Variants in FLNB observed in about 807,000 individuals in gnomAD.
FLNB encodes filamin-B.
In FLNB, 111 loss-of-function variants were observed where a neutral mutation model predicts 250.6. The observed-to-expected ratio is 0.44, with a 90% CI of 0.38 to 0.52. The LOEUF (loss-of-function observed/expected upper bound fraction) is 0.52, where lower values mean the gene tolerates loss of function less well. Ranked by LOEUF, FLNB falls within the 20% of genes least tolerant of loss-of-function variation. The probability of loss-of-function intolerance (pLI) is 0.00; values close to 1 mark genes in which losing one functional copy is unlikely to be tolerated. For synonymous variants in FLNB, 1,302 were observed against 1,372.1 expected, an observed-to-expected ratio of 0.95 and a Z score of 1.13; for missense variants, 2,869 against 3,447.8, an observed-to-expected ratio of 0.83 and a Z score of 4.20.
chr3:58,014,261 C>T (rs370981093), intron 1 of FLNB, among the ~76,000 whole-genome samples: 95 of 152,318 alleles, frequency 6.2e-4, no homozygotes, highest in African/African-American at 2.2e-3. Context: ...TGCTAAAATA[C>T]GGCTATGGAC....
intron 1 of FLNB, among the ~76,000 whole-genome samples, chr3:58,015,166 C>T (rs2097104158): frequency 6.6e-6 from 1 of 152,214 alleles, no homozygotes; most frequent in Non-Finnish European, 1.5e-5. Flanking sequence ...AACTCTAGTC[C>T]ACTGCTTTAA....
intron 1 of FLNB, among the ~76,000 whole-genome samples, chr3:58,012,088 G>A (rs1395503964): frequency 6.6e-6 from 1 of 151,894 alleles, no homozygotes; most frequent in African/African-American, 2.4e-5. Flanking sequence ...GTGCACACCT[G>A]TAGTCCCAGC....
At chr3:58,144,852 T>G (rs572422461) in intron 32 of FLNB, among the ~76,000 whole-genome samples, 25 of 152,370 alleles carry the variant, frequency 1.6e-4, no homozygotes, top group African/African-American at 5.8e-4. Flanking sequence ...ATTTCTCTTG[T>G]GAATGAGACC....
intron 1 of FLNB, among the ~76,000 whole-genome samples, chr3:58,071,506 T>C (rs751386724): frequency 1.3e-5 from 2 of 152,046 alleles, no homozygotes; most frequent in Admixed American, 6.5e-5. Context: ...CTCGAACTCC[T>C]GACCCCAAGT....
Position 58,125,762 on chromosome 3 carries a change from T to G in FLNB, c.4061+19T>G. 6.2e-7 allele frequency: 1 copy of G among 1,613,302 alleles called. No homozygotes were observed. ...TTACCAGGTAGGCAAGGCCCTACAT[T>G]TGGTGTCTTGAGTCTCACTTTTGTG... On this transcript the variant is annotated intron_variant, in intron 23 of 45. Coordinates refer to ENST00000295956, the MANE Select transcript of FLNB (RefSeq NM_001457.4).
At position 58,138,381 on chromosome 3, in the gene FLNB, C is replaced by A; in HGVS notation, c.4961C>A (p.Thr1654Asn). 1 of 1,614,210 alleles carries A rather than the reference C, an allele frequency of 6.2e-7. No individual in the cohort carries two copies. The highest frequency in any genetic ancestry group is 8.5e-7 in the Non-Finnish European group (1 of 1,180,038). ...GKGKVTCTVL[T>N]PDGTEAEADV... is the part of the protein sequence containing the mutation. ...GGTAAAGTGACCTGCACGGTTCTGA[C>A]CCCAGATGGCACTGAGGCCGAGGCC... The change falls in exon 29 of 46, where the codon ACC becomes AAC. Residue 1654 changes from threonine (T) to asparagine (N), a missense_variant. Thr to Asn is a moderately conservative substitution (Grantham distance 65, BLOSUM62 0). Transcript: ENST00000295956.
At chr3:58,155,020 A>G in intron 40 of FLNB, 92 bp downstream of exon 40, 8 of 1,343,770 alleles carry the variant, frequency 6.0e-6, no homozygotes, top group Admixed American at 5.1e-5. Flanking sequence ...GCTGAAGTCA[A>G]TGAGGAATCT....
intron 1 of FLNB, among the ~76,000 whole-genome samples, chr3:58,037,016 T>C (rs566729576): frequency 1.3e-5 from 2 of 151,940 alleles, no homozygotes; most frequent in East Asian, 3.9e-4. Flanking sequence ...GGTCAGTTGA[T>C]ATGATGTTCT....
intron 1 of FLNB, among the ~76,000 whole-genome samples, chr3:58,033,185 TCA>T (rs2097133322): frequency 6.6e-6 from 1 of 152,168 alleles, no homozygotes; most frequent in Non-Finnish European, 1.5e-5. Context: ...ACATGTACAC[TCA>T]CACATCAGGA....
chr3:58,098,176 A>G (rs560343528), intron 7 of FLNB, among the ~76,000 whole-genome samples, 199 bp downstream of exon 7: 49 of 152,382 alleles, frequency 3.2e-4, no homozygotes, highest in African/African-American at 1.1e-3. Context: ...TCACTTGAAT[A>G]AGACATACTT....
rs566483210 is a variant in FLNB at position 58,023,003 on chromosome 3, A to G, written c.292+14147A>G. Among the ~76,000 whole-genome samples the G allele has an allele frequency of 1.5e-4, 23 of 150,290 alleles. No individual in the cohort carries two copies. In the South Asian group the frequency reaches 1.9e-3, roughly 12 times the overall value. On this transcript the variant is annotated intron_variant, in intron 1 of 45. Transcript: ENST00000295956. ...TGGCTATTTTGTATTTTTAGTAGAG[A>G]CGGGGTTTCACCATGTTGGCCAGCC...
At chr3:58,011,470 G>C (rs1037764785) in intron 1 of FLNB, among the ~76,000 whole-genome samples, 1 of 152,100 alleles carries the variant, frequency 6.6e-6, no homozygotes, top group South Asian at 2.1e-4. Flanking sequence ...TTGCTCTCCC[G>C]AGAGATCTTG....
chr3:58,069,140 A>T (rs2097190351), intron 1 of FLNB, among the ~76,000 whole-genome samples: 1 of 129,854 alleles, frequency 7.7e-6, no homozygotes, highest in African/African-American at 3.3e-5. Flanking sequence ...CCCTGTCTTT[A>T]AAAAAAAAAA....
chr3:58,106,911 G>T, intron 12 of FLNB, 38 bp downstream of exon 12: 2 of 1,585,454 alleles, frequency 1.3e-6, no homozygotes, highest in Admixed American at 1.7e-5. Flanking sequence ...CTTGTCCCTG[G>T]CCCCTGGTTC....
At chr3:58,123,851 C>T (rs1490221837) in intron 21 of FLNB, among the ~76,000 whole-genome samples, 161 bp downstream of exon 21, 1 of 152,076 alleles carries the variant, frequency 6.6e-6, no homozygotes, top group Admixed American at 6.5e-5. Flanking sequence ...TTGGGGGGCC[C>T]TGGTGAAGGT....
intron 24 of FLNB, among the ~76,000 whole-genome samples, chr3:58,128,121 TGA>T (rs1434514161): frequency 6.6e-6 from 1 of 152,298 alleles, no homozygotes; most frequent in East Asian, 1.9e-4. Context: ...TGGGTCACGC[TGA>T]GAGGGGAAGG....
At position 58,035,940 on chromosome 3, in the gene FLNB, C is replaced by T. The variant is rs114325955; in HGVS notation, c.292+27084C>T. Reference sequence around the variant, plus strand: ...GAGATGTACTTTCAAATGAGACCATCCTTCTCTCACTGGTGAGCTCACCCG... The same window carrying T: ...GAGATGTACTTTCAAATGAGACCATTCTTCTCTCACTGGTGAGCTCACCCG... On this transcript the variant is annotated intron_variant, in intron 1 of 45. Transcript: ENST00000295956. 9.2e-3 allele frequency among the ~76,000 whole-genome samples: 1,399 copies of T among 152,262 alleles called. 20 individuals are homozygous for T. The highest frequency in any genetic ancestry group is 0.03 in the African/African-American group (1,256 of 41,560).
chr3:58,054,018 T>TA (rs1196745949), intron 1 of FLNB, among the ~76,000 whole-genome samples: 1 of 152,080 alleles, frequency 6.6e-6, no homozygotes, highest in East Asian at 1.9e-4. Flanking sequence ...CACTGGGGCT[T>TA]AAGGGGGTGA....
chr3:58,155,150 GCTT>G (rs2097351407), intron 40 of FLNB, among the ~76,000 whole-genome samples: 1 of 152,184 alleles, frequency 6.6e-6, no homozygotes, highest in Non-Finnish European at 1.5e-5. Context: ...TAGCCTCTCT[GCTT>G]CTTGCTTTCA....
Sources: gnomAD v4.1 joint callset for allele counts (sites outside exome capture counted in the v4.1 genomes callset) on GRCh38, gnomAD v4.1.1 for gene constraint, MANE v1.5 for transcripts, NCBI Gene and HGNC (gene_info 2026-07-23, HGNC 2026-07-21) for gene names.